Variants in KCNN3 observed in about 807,000 individuals in gnomAD.
The protein encoded by KCNN3 is small conductance calcium-activated potassium channel protein 3.
A neutral mutation model predicts 62.9 loss-of-function variants in KCNN3; 16 were observed. The observed-to-expected ratio is 0.25, with a 90% CI of 0.17 to 0.39. KCNN3 has a LOEUF of 0.39. Ranked by LOEUF, KCNN3 falls within the 10% of genes least tolerant of loss-of-function variation. The pLI is 1.00. For synonymous variants in KCNN3, 370 were observed against 389.2 expected, an observed-to-expected ratio of 0.95 and a Z score of 0.58; for missense variants, 599 against 949.4, an observed-to-expected ratio of 0.63 and a Z score of 4.85.
chr1:154,750,405 T>TGA (rs1344699779), intron 3 of KCNN3, among the ~76,000 whole-genome samples: 1 of 152,262 alleles, frequency 6.6e-6, no homozygotes, highest in African/African-American at 2.4e-5. Context: ...CTCTGCCTCT[T>TGA]GAACTGAGAG....
intron 1 of KCNN3, chr1:154,859,828 T>C (rs4845397): frequency 0.72 from 1,158,761 of 1,609,248 alleles, 423,479 homozygotes; most frequent in East Asian, 0.99. Context: ...GAGTGTCCTT[T>C]AAGCTGACTT....
At chr1:154,850,673 C>A (rs1652265600) in intron 1 of KCNN3, among the ~76,000 whole-genome samples, 1 of 152,194 alleles carries the variant, frequency 6.6e-6, no homozygotes, top group African/African-American at 2.4e-5. Context: ...GGTTATTCCA[C>A]CTCTCCAAGC....
chr1:154,821,403 T>C (rs1268140038), intron 2 of KCNN3, among the ~76,000 whole-genome samples: 1 of 152,196 alleles, frequency 6.6e-6, no homozygotes, highest in Non-Finnish European at 1.5e-5. Context: ...CACCAGAAGA[T>C]GCTTCAGATC....
chr1:154,789,428 CA>C (rs199834513), intron 2 of KCNN3, among the ~76,000 whole-genome samples: 1,824 of 151,500 alleles, frequency 0.012, 33 homozygotes, highest in African/African-American at 0.042. Flanking sequence ...GTCGGTGGGG[CA>C]GGGGGGGGCA....
At chr1:154,832,257 A>G (rs1236076968) in intron 1 of KCNN3, among the ~76,000 whole-genome samples, 2 of 151,508 alleles carry the variant, frequency 1.3e-5, no homozygotes, top group Non-Finnish European at 2.9e-5. Flanking sequence ...GCCAGTTAGC[A>G]ATTACATTAC....
intron 4 of KCNN3, among the ~76,000 whole-genome samples, chr1:154,732,420 T>C (rs1476764495): frequency 6.6e-6 from 1 of 152,186 alleles, no homozygotes; most frequent in Non-Finnish European, 1.5e-5. Flanking sequence ...GCAAAGCACT[T>C]GGCACTCAGA....
At chr1:154,774,932 G>A (rs1037864726) in intron 2 of KCNN3, among the ~76,000 whole-genome samples, 1 of 152,264 alleles carries the variant, frequency 6.6e-6, no homozygotes, top group Non-Finnish European at 1.5e-5. Flanking sequence ...TAATGTTGGG[G>A]CCAGGGTTGG....
In KCNN3 at chr1:154,809,977, G is replaced by A. The variant is rs1234293992; in HGVS notation, c.1029+12112C>T. ...TGATCCCAGTGGTGTGTAAGGGTCA[G>A]TGTGTCACCAGATCCCTGGGCTGCT... On this transcript the variant is annotated intron_variant, in intron 2 of 7. Transcript: ENST00000271915. This position sits in a 1 kb window ranked among gnomAD's most constrained non-coding sequence, Gnocchi z 4.3. Among the ~76,000 whole-genome samples, 1 of 152,232 alleles carries A rather than the reference G, an allele frequency of 6.6e-6. No individual in the cohort carries two copies. The highest frequency in any genetic ancestry group is 1.5e-5 in the Non-Finnish European group (1 of 68,046).
chr1:154,719,993 T>C (rs1207308629), intron 5 of KCNN3, among the ~76,000 whole-genome samples: 1 of 152,242 alleles, frequency 6.6e-6, no homozygotes, highest in African/African-American at 2.4e-5. Context: ...GTTCTCCCTG[T>C]AGCAATATGG....
intron 6 of KCNN3, among the ~76,000 whole-genome samples, chr1:154,714,115 GGT>G (rs1418300049): frequency 1.2e-4 from 2 of 16,142 alleles, no homozygotes; most frequent in Non-Finnish European, 2.8e-4. Flanking sequence ...TGTGTGATGT[GGT>G]GTGTGTGGGT....
intron 6 of KCNN3, among the ~76,000 whole-genome samples, chr1:154,713,754 C>T (rs1471440132): frequency 6.6e-6 from 1 of 152,036 alleles, no homozygotes; most frequent in Non-Finnish European, 1.5e-5. Context: ...TCACTGGTTT[C>T]TTGCTATTCC....
Position 154,869,263 on chromosome 1 carries a change from G to C in KCNN3, c.702C>G (p.Leu234=). The C allele has an allele frequency of 6.2e-7, 1 of 1,613,924 alleles. No homozygotes were observed. Reference sequence around the variant, plus strand: ...GGTTGTGGGTGGCATTAGGGTGATGGAGCAGGGTCTGGTGGGCATGGTTGT... The same window carrying C: ...GGTTGTGGGTGGCATTAGGGTGATGCAGCAGGGTCTGGTGGGCATGGTTGT... The part of the protein sequence containing the change: ...REDNHAHQTL[L]HHPNATHNHQ... Residue 234 remains leucine, a synonymous_variant, in exon 1 of 8, where the codon CTC becomes CTG. Coordinates refer to ENST00000271915, the MANE Select transcript of KCNN3 (RefSeq NM_002249.6). The surrounding 1 kb of genome is among the most constrained non-coding windows in gnomAD (Gnocchi z 6.1).
chr1:154,768,120 C>G (rs957099970), intron 3 of KCNN3, among the ~76,000 whole-genome samples: 1 of 152,186 alleles, frequency 6.6e-6, no homozygotes, highest in African/African-American at 2.4e-5. Flanking sequence ...GTCACTTACC[C>G]TCTCTGATGC....
intron 2 of KCNN3, among the ~76,000 whole-genome samples, chr1:154,805,896 C>T (rs1014350956): frequency 6.6e-6 from 1 of 152,092 alleles, no homozygotes; most frequent in African/African-American, 2.4e-5. Flanking sequence ...GAATTAAGGC[C>T]GCTAATCAGT....
At chr1:154,846,001 T>C (rs974329275) in intron 1 of KCNN3, among the ~76,000 whole-genome samples, 3 of 152,102 alleles carry the variant, frequency 2.0e-5, no homozygotes, top group African/African-American at 7.2e-5. Context: ...CAGTCCCCTT[T>C]GGAAGATGGC....
intron 1 of KCNN3, among the ~76,000 whole-genome samples, chr1:154,825,001 C>G (rs1260085484): frequency 6.6e-6 from 1 of 152,210 alleles, no homozygotes; most frequent in African/African-American, 2.4e-5. Flanking sequence ...TAACCAACCG[C>G]TTTTAATAGC....
At chr1:154,756,750 C>G (rs1398275793) in intron 3 of KCNN3, among the ~76,000 whole-genome samples, 1 of 152,152 alleles carries the variant, frequency 6.6e-6, no homozygotes, top group Non-Finnish European at 1.5e-5. Flanking sequence ...CTTTTTTCCA[C>G]TTTCACAGTA....
chr1:154,723,195 T>G (rs1700394574), intron 5 of KCNN3, among the ~76,000 whole-genome samples: 1 of 152,228 alleles, frequency 6.6e-6, no homozygotes, highest in African/African-American at 2.4e-5. Flanking sequence ...ACACATCCAG[T>G]TTCATTTCAA....
chr1:154,764,491 A>G (rs1344666684), intron 3 of KCNN3, among the ~76,000 whole-genome samples: 1 of 152,158 alleles, frequency 6.6e-6, no homozygotes, highest in East Asian at 1.9e-4. Flanking sequence ...TATATGGCTG[A>G]TGCTACTGTT....
Sources: gnomAD v4.1 joint callset for allele counts (sites outside exome capture counted in the v4.1 genomes callset) on GRCh38, gnomAD v4.1.1 for gene constraint, Gnocchi (gnomAD v3.1) non-coding constraint, MANE v1.5 for transcripts, NCBI Gene and HGNC (gene_info 2026-07-23, HGNC 2026-07-21) for gene names.